The following ME1 variants were observed in gnomAD, a reference collection of about 807,000 sequenced individuals.
ME1 encodes the protein NADP-dependent malic enzyme.
In ME1, 74 loss-of-function variants were observed where a neutral mutation model predicts 66.4. The observed-to-expected ratio is 1.11, with a 90% CI of 0.92 to 1.35. ME1 has a LOEUF of 1.35. Among genes scored for constraint, ME1 ranks in the 40% most tolerant of loss-of-function variants. The pLI is 0.00. For synonymous variants in ME1, 251 were observed against 235.6 expected, an observed-to-expected ratio of 1.07 and a Z score of -0.60; for missense variants, 750 against 694.1, an observed-to-expected ratio of 1.08 and a Z score of -0.90.
intron 5 of ME1, among the ~76,000 whole-genome samples, chr6:83,326,838 G>C (rs370418482): frequency 6.6e-6 from 1 of 152,264 alleles, no homozygotes; most frequent in African/African-American, 2.4e-5. Flanking sequence ...GACTCCTCAA[G>C]GATCTAGAAA....
At chr6:83,298,176 C>T (rs1767637762) in intron 6 of ME1, among the ~76,000 whole-genome samples, 1 of 152,204 alleles carries the variant, frequency 6.6e-6, no homozygotes, top group African/African-American at 2.4e-5. Flanking sequence ...TACATTCCCA[C>T]CAATAGTGTA....
At chr6:83,333,059 T>A (rs1261257197) in intron 5 of ME1, among the ~76,000 whole-genome samples, 3 of 152,240 alleles carry the variant, frequency 2.0e-5, no homozygotes, top group African/African-American at 7.2e-5. Context: ...AAGTGAAGAC[T>A]GTCTTATTAA....
At chr6:83,351,611 G>A (rs1768804750) in intron 4 of ME1, among the ~76,000 whole-genome samples, 1 of 152,110 alleles carries the variant, frequency 6.6e-6, no homozygotes, top group Non-Finnish European at 1.5e-5. Context: ...GCTACCAAAT[G>A]TCAAGTACTA....
At chr6:83,262,145 C>G (rs1439881648) in intron 6 of ME1, among the ~76,000 whole-genome samples, 1 of 151,956 alleles carries the variant, frequency 6.6e-6, no homozygotes, top group Non-Finnish European at 1.5e-5. Context: ...GCAAGACTTT[C>G]TAATTATGTG....
intron 3 of ME1, among the ~76,000 whole-genome samples, chr6:83,380,857 A>G (rs1298859031): frequency 6.6e-6 from 1 of 152,166 alleles, no homozygotes; most frequent in African/African-American, 2.4e-5. Flanking sequence ...AAAAGAAAAT[A>G]GAACCCAGAA....
chr6:83,230,508 A>G (rs991945900), intron 9 of ME1, among the ~76,000 whole-genome samples: 46 of 152,276 alleles, frequency 3.0e-4, no homozygotes, highest in Non-Finnish European at 4.6e-4. Context: ...AATGCATGTA[A>G]AACACTCAGG....
At chr6:83,402,100 A>C (rs1333020272) in intron 2 of ME1, among the ~76,000 whole-genome samples, 1 of 152,238 alleles carries the variant, frequency 6.6e-6, no homozygotes, top group African/African-American at 2.4e-5. Context: ...CATGCTCATG[A>C]AACTCACTAG....
Position 83,328,112 on chromosome 6 carries a change from T to C in ME1, c.601-12699A>G, listed in dbSNP as rs138551414. 1.8e-3 allele frequency among the ~76,000 whole-genome samples: 268 copies of C among 152,286 alleles called. 1 individual carries two copies. Among genetic ancestry groups the C allele is most frequent in the South Asian group, 0.017 (80 of 4,826 alleles). ...CTGGATAAAGAAAATGTGGCACATA[T>C]ACACCATGGAATACTATGTAGCCAT... On this transcript the variant is annotated intron_variant, in intron 5 of 13. Coordinates refer to ENST00000369705, the MANE Select transcript of ME1 (RefSeq NM_002395.6).
chr6:83,355,109 A>T (rs915451865), intron 3 of ME1, among the ~76,000 whole-genome samples: 6 of 152,162 alleles, frequency 3.9e-5, no homozygotes, highest in African/African-American at 1.4e-4. Context: ...TAAGGTATAT[A>T]TTTCTTTTGG....
chr6:83,251,529 TATG>T (rs1273571888), intron 7 of ME1, among the ~76,000 whole-genome samples: 1 of 151,962 alleles, frequency 6.6e-6, no homozygotes, highest in Admixed American at 6.6e-5. Flanking sequence ...AAAATGCTAC[TATG>T]ATAAGGAAAA....
chr6:83,256,169 A>C (rs1328181177), intron 6 of ME1, among the ~76,000 whole-genome samples: 2 of 152,186 alleles, frequency 1.3e-5, no homozygotes, highest in African/African-American at 2.4e-5. Context: ...TTCCTATCAG[A>C]AAAATGAGAA....
chr6:83,240,585 CA>C (rs1456181840), intron 7 of ME1, among the ~76,000 whole-genome samples: 1 of 152,048 alleles, frequency 6.6e-6, no homozygotes, highest in African/African-American at 2.4e-5. Context: ...CAACACTTTC[CA>C]GCTGTATCTA....
At chr6:83,299,149 T>C (rs1434698865) in intron 6 of ME1, among the ~76,000 whole-genome samples, 1 of 151,716 alleles carries the variant, frequency 6.6e-6, no homozygotes, top group Non-Finnish European at 1.5e-5. Context: ...TCAATGGTAG[T>C]TTAATGGAAA....
chr6:83,225,140 T>A (rs892277350), intron 11 of ME1, among the ~76,000 whole-genome samples: 2 of 142,610 alleles, frequency 1.4e-5, no homozygotes, highest in South Asian at 2.2e-4. Flanking sequence ...AGGCGGAGGT[T>A]GCAGTGAGCC....
intron 5 of ME1, among the ~76,000 whole-genome samples, chr6:83,320,394 A>G (rs1768128409): frequency 6.6e-6 from 1 of 152,220 alleles, no homozygotes; most frequent in Non-Finnish European, 1.5e-5. Context: ...TTTGGCCAAT[A>G]TATCTTACTT....
At chr6:83,410,050 C>T (rs776915223) in intron 1 of ME1, among the ~76,000 whole-genome samples, 3 of 151,410 alleles carry the variant, frequency 2.0e-5, no homozygotes, top group Admixed American at 6.7e-5. Flanking sequence ...TCCGTGGTAT[C>T]GCCTGAAGTC....
At chr6:83,329,785 T>G (rs1488824855) in intron 5 of ME1, among the ~76,000 whole-genome samples, 1 of 151,928 alleles carries the variant, frequency 6.6e-6, no homozygotes, top group African/African-American at 2.4e-5. Flanking sequence ...CACATTTTCT[T>G]ACTTACTTTA....
intron 3 of ME1, among the ~76,000 whole-genome samples, chr6:83,391,074 T>C (rs780457828): frequency 1.6e-4 from 24 of 152,186 alleles, no homozygotes; most frequent in Non-Finnish European, 3.5e-4. Flanking sequence ...ATATATAGTC[T>C]TTGGTACTGC....
Position 83,331,194 on chromosome 6 carries a change from C to G in ME1, c.600+14979G>C, listed in dbSNP as rs149092538. Reference sequence around the variant, plus strand: ...ATATGTTGAATCCCTAATCCCAGTACCTCAGAATGTGACGTATTTGGAGAC... The same window carrying G: ...ATATGTTGAATCCCTAATCCCAGTAGCTCAGAATGTGACGTATTTGGAGAC... On this transcript the variant is annotated intron_variant, in intron 5 of 13. Coordinates refer to ENST00000369705, the MANE Select transcript of ME1 (RefSeq NM_002395.6). Among the ~76,000 whole-genome samples the G allele has an allele frequency of 1.6e-3, 237 of 152,244 alleles. 3 individuals are homozygous for G. The highest frequency in any genetic ancestry group is 5.4e-3 in the African/African-American group (225 of 41,536).
Sources: allele counts gnomAD v4.1 joint callset (sites outside exome capture counted in the v4.1 genomes callset), GRCh38; gene constraint gnomAD v4.1.1; transcripts MANE v1.5; gene names NCBI Gene and HGNC (gene_info 2026-07-23, HGNC 2026-07-21).